The following KIF13A variants were observed in gnomAD, a reference collection of about 807,000 sequenced individuals.
The protein encoded by KIF13A is kinesin family member 13A.
In KIF13A, 79 loss-of-function variants were observed where a neutral mutation model predicts 212.2. The ratio of observed to expected loss-of-function variants is 0.37; its 90% CI spans 0.31 to 0.45. The LOEUF is 0.45. Among genes scored for constraint, KIF13A ranks in the 20% least tolerant of loss-of-function variants. KIF13A has a pLI of 1.00. For synonymous variants in KIF13A, 789 were observed against 808.6 expected (o/e 0.98, Z 0.41); for missense variants, 1,901 against 2,209.0 (o/e 0.86, Z 2.79).
chr6:17,920,801 G>C (rs1049761343), intron 2 of KIF13A, among the ~76,000 whole-genome samples: 9 of 151,676 alleles, frequency 5.9e-5, no homozygotes, highest in Non-Finnish European at 2.9e-5. Context: ...TGGAACCAGG[G>C]AGGAAGAGGC....
chr6:17,847,187 C>A (rs867711315), intron 9 of KIF13A, among the ~76,000 whole-genome samples: 4 of 152,192 alleles, frequency 2.6e-5, no homozygotes, highest in Admixed American at 2.6e-4. Flanking sequence ...CAAGCCCCAC[C>A]GGCAGGCATG....
chr6:17,931,470 C>T (rs1775980526), intron 2 of KIF13A, among the ~76,000 whole-genome samples: 1 of 108,870 alleles, frequency 9.2e-6, no homozygotes, highest in Non-Finnish European at 2.4e-5. Flanking sequence ...GATAAAGGTA[C>T]CCTAAAAACT....
chr6:17,983,493 GCTTT>G (rs1212752844), intron 2 of KIF13A, among the ~76,000 whole-genome samples: 1 of 139,780 alleles, frequency 7.2e-6, no homozygotes, highest in Non-Finnish European at 1.5e-5. Flanking sequence ...TGCTGCTGCT[GCTTT>G]TTTTTTTTTT....
rs1385438834 is a variant in KIF13A, at chr6:17,789,942, C to CATTTT, written c.3223-37_3223-33dup. On this transcript the variant is annotated intron_variant, in intron 25 of 38. Coordinates refer to ENST00000259711, the MANE Select transcript of KIF13A (RefSeq NM_022113.6). The surrounding 1 kb of genome is among the most constrained non-coding windows in gnomAD (Gnocchi z 4.8). ...GGAAAAAATAAACACAAAGGACAAG[C>CATTTT]ATTTTGTTTTTCAAACCACATACAG... The CATTTT allele has an allele frequency of 6.3e-7, 1 of 1,598,792 alleles. No individual in the cohort carries two copies. The highest frequency in any genetic ancestry group is 8.6e-7 in the Non-Finnish European group (1 of 1,167,338).
chr6:17,932,315 A>G (rs548965374), intron 2 of KIF13A, among the ~76,000 whole-genome samples: 1 of 152,198 alleles, frequency 6.6e-6, no homozygotes, highest in Non-Finnish European at 1.5e-5. Context: ...TGCCTTGTAC[A>G]TCGGTGAACA....
At position 17,856,224 on chromosome 6, in the gene KIF13A, GT is replaced by G; in HGVS notation, c.221-103del. On this transcript the variant is annotated intron_variant, in intron 4 of 38. Transcript: ENST00000259711. This position sits in a 1 kb window ranked among gnomAD's most constrained non-coding sequence, Gnocchi z 4.5. ...ATGTCAATTCAAAAAAATGTTAAAA[GT>G]GTAGTACCGAGTGCCCACTAAGTAC... The G allele has an allele frequency of 1.3e-6, 1 of 797,226 alleles. No homozygotes were observed. The highest frequency in any genetic ancestry group is 2.0e-6 in the Non-Finnish European group (1 of 490,086). The allele number at this position is 797,226 out of a possible 1,614,324, so 49.4% of individuals were successfully genotyped here. A position where few individuals can be genotyped will look rare whatever the true frequency, so the allele number is the denominator to read the frequency against.
Position 17,773,551 on chromosome 6 carries a change from G to T in KIF13A, c.4251C>A (p.Asp1417Glu), listed in dbSNP as rs1259496367. ...CTACATCTTGGTAACTGGAGCTATA[G>T]TCAGACATGTCCAACTGGTTCTCTG... is the stretch of plus-strand genomic sequence containing the variant. ...GWPENQLDMS[D>E]YSSSYQDVAC... The change falls in exon 36 of 39, where the codon GAC becomes GAA. Residue 1417 changes from aspartate to glutamate, a missense_variant. Coordinates refer to ENST00000259711, the MANE Select transcript of KIF13A (RefSeq NM_022113.6). The surrounding 1 kb of genome is among the most constrained non-coding windows in gnomAD (Gnocchi z 4.2). 6.2e-7 allele frequency: 1 copy of T among 1,611,274 alleles called. No individual in the cohort carries two copies. Among genetic ancestry groups the T allele is most frequent in the Non-Finnish European group, 8.5e-7 (1 of 1,177,930 alleles).
chr6:17,904,695 G>C (rs1773343501), intron 2 of KIF13A, among the ~76,000 whole-genome samples: 1 of 152,154 alleles, frequency 6.6e-6, no homozygotes, highest in African/African-American at 2.4e-5. Context: ...AAGATATCTG[G>C]GTCAAGGAGT....
rs141876998 is a variant in KIF13A at position 17,798,182 on chromosome 6, T to C, written c.2790+1084A>G. On this transcript the variant is annotated intron_variant, in intron 22 of 38. Transcript: ENST00000259711. Reference sequence around the variant, plus strand: ...GAAAAAGAAACTTCATGACAATCTATACATTTTAGCGATGAAAAAACTCCA... The same window carrying C: ...GAAAAAGAAACTTCATGACAATCTACACATTTTAGCGATGAAAAAACTCCA... Among the ~76,000 whole-genome samples the C allele has an allele frequency of 3.7e-4, 56 of 152,232 alleles. No homozygotes were observed. The East Asian group carries it at 9.5e-3, about 26-fold the overall frequency.
chr6:17,907,560 A>C lies in KIF13A; in HGVS notation c.147-9380T>G, dbSNP rs572394196. ...GAAGGAAAGGCATTTATGGAAAAAA[A>C]AAAAAAAGGAACTGGTATGACAACG... On this transcript the variant is annotated intron_variant, in intron 2 of 38. Coordinates refer to ENST00000259711, the MANE Select transcript of KIF13A (RefSeq NM_022113.6). Among the ~76,000 whole-genome samples, 142 of 152,230 alleles carry C rather than the reference A, an allele frequency of 9.3e-4. 2 individuals are homozygous for C. The South Asian group carries it at 0.029, about 31-fold the overall frequency.
chr6:17,879,449 T>G (rs915071449), intron 3 of KIF13A, among the ~76,000 whole-genome samples: 8 of 152,202 alleles, frequency 5.3e-5, no homozygotes, highest in Non-Finnish European at 2.9e-5. Context: ...GCAGGATATA[T>G]TTTTAGATGT....
intron 18 of KIF13A, among the ~76,000 whole-genome samples, chr6:17,808,218 T>C (rs1214348130): frequency 6.6e-6 from 1 of 152,150 alleles, no homozygotes; most frequent in Non-Finnish European, 1.5e-5. Context: ...AAACCCTGTC[T>C]CTACTAAAAA....
chr6:17,783,019 TG>T lies in KIF13A; in HGVS notation c.3544+626del, dbSNP rs1760739104. On this transcript the variant is annotated intron_variant, in intron 29 of 38. Coordinates refer to ENST00000259711, the MANE Select transcript of KIF13A (RefSeq NM_022113.6). This position sits in a 1 kb window ranked among gnomAD's most constrained non-coding sequence, Gnocchi z 4.3. Reference sequence around the variant, plus strand: ...TCCCTGTGTCTTCCATCCATTATTTTGGGCTTCCTTCTAGAACAGAGGTTTT... The same window carrying T: ...TCCCTGTGTCTTCCATCCATTATTTTGGCTTCCTTCTAGAACAGAGGTTTT... Among the ~76,000 whole-genome samples, 1 of 152,242 alleles carries T rather than the reference TG, an allele frequency of 6.6e-6. No homozygotes were observed. The highest frequency in any genetic ancestry group is 1.5e-5 in the Non-Finnish European group (1 of 68,038).
In KIF13A at chr6:17,772,966, T is replaced by C. The variant is rs1306214676; in HGVS notation, c.4324+512A>G. Among the ~76,000 whole-genome samples the C allele has an allele frequency of 6.6e-6, 1 of 152,218 alleles. No individual in the cohort carries two copies. Among genetic ancestry groups the C allele is most frequent in the African/African-American group, 2.4e-5 (1 of 41,458 alleles). On this transcript the variant is annotated intron_variant, in intron 36 of 38. Transcript: ENST00000259711. The surrounding 1 kb of genome is among the most constrained non-coding windows in gnomAD (Gnocchi z 4.8). ...ATATTTTACCTACTAATATAAGGTATAAGGTAACAGAACCGATATATATGG... is the reference window on the plus strand; with the variant it reads ...ATATTTTACCTACTAATATAAGGTACAAGGTAACAGAACCGATATATATGG...
chr6:17,869,825 T>C (rs978938216), intron 4 of KIF13A, among the ~76,000 whole-genome samples: 5 of 152,228 alleles, frequency 3.3e-5, no homozygotes, highest in Admixed American at 6.5e-5. Flanking sequence ...TCTCTCTCCC[T>C]GCTACCCCCC....
chr6:17,800,357 A>C (rs2150332557), intron 20 of KIF13A, among the ~76,000 whole-genome samples: 1 of 151,458 alleles, frequency 6.6e-6, no homozygotes, highest in Admixed American at 6.6e-5. Flanking sequence ...AGTCATCCTC[A>C]AATGTATCCT....
At chr6:17,884,423 C>T (rs1247864315) in intron 3 of KIF13A, among the ~76,000 whole-genome samples, 1 of 152,178 alleles carries the variant, frequency 6.6e-6, no homozygotes, top group Non-Finnish European at 1.5e-5. Context: ...ACTTTATATT[C>T]TCACCAAGCT....
chr6:17,960,140 A>G (rs960731787), intron 2 of KIF13A, among the ~76,000 whole-genome samples: 1 of 152,188 alleles, frequency 6.6e-6, no homozygotes, highest in Non-Finnish European at 1.5e-5. Flanking sequence ...GGCATTTGTG[A>G]TTCCTCAACC....
rs776349711 is a variant in KIF13A, at chr6:17,987,164, G to A, written c.56-20C>T. 1.3e-6 allele frequency: 2 copies of A among 1,593,434 alleles called. No individual in the cohort carries two copies. The highest frequency in any genetic ancestry group is 1.7e-5 in the Admixed American group (1 of 59,424). On this transcript the variant is annotated intron_variant, in intron 1 of 38. Coordinates refer to ENST00000259711, the MANE Select transcript of KIF13A (RefSeq NM_022113.6). This position sits in a 1 kb window ranked among gnomAD's most constrained non-coding sequence, Gnocchi z 7.7. Reference sequence around the variant, plus strand: ...CCAGTTCTGAAAGCAGAGAGAAAGGGACGTTGCAAAGTCCAGCATCCGCGC... The same window carrying A: ...CCAGTTCTGAAAGCAGAGAGAAAGGAACGTTGCAAAGTCCAGCATCCGCGC...
Sources: allele counts gnomAD v4.1 joint callset (sites outside exome capture counted in the v4.1 genomes callset), GRCh38; gene constraint gnomAD v4.1.1; non-coding constraint Gnocchi (gnomAD v3.1); transcripts MANE v1.5; gene names NCBI Gene and HGNC (gene_info 2026-07-23, HGNC 2026-07-21).